TEX101: variants seen among roughly 807,000 people sequenced by gnomAD.
The protein encoded by TEX101 is testis expressed 101.
A neutral mutation model predicts 18.1 loss-of-function variants in TEX101; 10 were observed. The observed-to-expected ratio is 0.55, with a 90% CI of 0.34 to 0.94. TEX101 has a LOEUF of 0.94. TEX101 is among the 40% of genes least tolerant of loss of function. The probability of loss-of-function intolerance (pLI) is 0.02; values close to 1 mark genes in which losing one functional copy is unlikely to be tolerated. For synonymous variants in TEX101, 94 were observed against 114.8 expected, an observed-to-expected ratio of 0.82 and a Z score of 1.16; for missense variants, 259 against 298.9, an observed-to-expected ratio of 0.87 and a Z score of 0.98.
intron 1 of TEX101, among the ~76,000 whole-genome samples, chr19:43,402,302 A>C (rs1034720267): frequency 6.6e-6 from 1 of 152,260 alleles, no homozygotes; most frequent in African/African-American, 2.4e-5. Flanking sequence ...TCTCTGTGTG[A>C]TTGATTATTA....
chr19:43,392,655 G>C, the TEX101 span, among the ~76,000 whole-genome samples: 1 of 152,180 alleles, frequency 6.6e-6, no homozygotes, highest in Non-Finnish European at 1.5e-5. Flanking sequence ...GGGAGGCACA[G>C]AGAGACACAG....
chr19:43,409,576 C>A (rs1336100667), intron 3 of TEX101, among the ~76,000 whole-genome samples: 3 of 150,674 alleles, frequency 2.0e-5, no homozygotes, highest in African/African-American at 7.3e-5. Flanking sequence ...AAAGATATAC[C>A]ATGCAAACAG....
At chr19:43,390,464 T>C in the TEX101 span, among the ~76,000 whole-genome samples, 2 of 113,036 alleles carry the variant, frequency 1.8e-5, no homozygotes, top group Non-Finnish European at 3.6e-5. Context: ...TTTTTTCTTT[T>C]TTTTTTTTTT....
intron 5 of TEX101, 41 bp downstream of exon 5, chr19:43,418,047 A>C (rs998118539): frequency 1.9e-6 from 3 of 1,613,806 alleles, no homozygotes; most frequent in Non-Finnish European, 2.5e-6. Flanking sequence ...GAGGCTGGAA[A>C]ACCATTTGAG....
chr19:43,393,103 G>GGAAAGAAA, the TEX101 span, among the ~76,000 whole-genome samples: 1 of 144,400 alleles, frequency 6.9e-6, no homozygotes, highest in Non-Finnish European at 1.5e-5. Flanking sequence ...AAGGAAGGAA[G>GGAAAGAAA]GAAAGAAAGA....
chr19:43,413,944 G>T (rs967688011), upstream of TEX101, among the ~76,000 whole-genome samples: 1 of 151,554 alleles, frequency 6.6e-6, no homozygotes, highest in African/African-American at 2.4e-5. Flanking sequence ...GATAGAGAGA[G>T]GCTCTGTCTC....
chr19:43,399,874 G>A (rs11666620), upstream of TEX101, among the ~76,000 whole-genome samples: 48,607 of 149,494 alleles, frequency 0.33, 8,412 homozygotes, highest in East Asian at 0.72. Context: ...GGAGTGCAAT[G>A]GTATGATCTC....
chr19:43,406,325 C>T lies in TEX101; in HGVS notation c.-180C>T, dbSNP rs79190574. ...CCAATGCCCCATGTAATTAGTGACG[C>T]GCGCGAATGGATAGACGCTATTCCC... On this transcript the variant is annotated 5_prime_UTR_variant, in exon 3 of 8. Transcript: ENST00000602198. 825 of 565,940 alleles carry T rather than the reference C, an allele frequency of 1.5e-3. 6 individuals carry two copies. In the East Asian group the frequency reaches 0.019, roughly 13 times the overall value. The allele number at this position is 565,940 out of a possible 1,614,324, so 35.1% of individuals were successfully genotyped here.
At chr19:43,416,662 C>T (rs940778986) in intron 4 of TEX101, 107 bp downstream of exon 4, 1 of 1,032,468 alleles carries the variant, frequency 9.7e-7, no homozygotes, top group African/African-American at 1.6e-5. Flanking sequence ...GTCCATACCC[C>T]AAAGTACCTC....
At chr19:43,389,680 G>C in the TEX101 span, among the ~76,000 whole-genome samples, 14 of 152,146 alleles carry the variant, frequency 9.2e-5, no homozygotes, top group Admixed American at 5.9e-4. Context: ...CTGTTCCTGT[G>C]CTGGGTTCTC....
At chr19:43,406,934 T>G (rs1161233792) in intron 3 of TEX101, among the ~76,000 whole-genome samples, 4 of 108,326 alleles carry the variant, frequency 3.7e-5, no homozygotes, top group Non-Finnish European at 7.7e-5. Flanking sequence ...GTTTTTTGTT[T>G]TTTTTTTTTT....
At chr19:43,410,807 C>T (rs1340868901), upstream of TEX101, among the ~76,000 whole-genome samples, 2 of 151,438 alleles carry the variant, frequency 1.3e-5, no homozygotes, top group African/African-American at 2.4e-5. Context: ...CACACACAAA[C>T]ATGCATGCAC....
At chr19:43,408,324 A>C (rs1970388818) in intron 3 of TEX101, among the ~76,000 whole-genome samples, 1 of 149,478 alleles carries the variant, frequency 6.7e-6, no homozygotes, top group African/African-American at 2.5e-5. Flanking sequence ...GGGTTCGGGG[A>C]GCGAACAAGG....
the TEX101 span, among the ~76,000 whole-genome samples, chr19:43,390,979 T>C: frequency 6.6e-6 from 1 of 152,188 alleles, no homozygotes; most frequent in East Asian, 1.9e-4. Context: ...TAGGCACCTC[T>C]GTTAAGTGGA....
the TEX101 span, among the ~76,000 whole-genome samples, chr19:43,394,926 A>G: frequency 6.6e-6 from 1 of 152,214 alleles, no homozygotes; most frequent in Non-Finnish European, 1.5e-5. Context: ...TAGGTTCAGT[A>G]TCTGGGGTCT....
chr19:43,416,030 A>C (rs1334677216), intron 2 of TEX101, 47 bp downstream of exon 2: 3 of 1,611,348 alleles, frequency 1.9e-6, no homozygotes, highest in Non-Finnish European at 2.5e-6. Flanking sequence ...CAGAAGGTGG[A>C]CTGATGATGA....
chr19:43,408,969 T>G (rs1409063819), intron 3 of TEX101, among the ~76,000 whole-genome samples: 1 of 152,156 alleles, frequency 6.6e-6, no homozygotes, highest in Non-Finnish European at 1.5e-5. Flanking sequence ...TCATTCTACT[T>G]CCAACTCACA....
At chr19:43,398,725 A>T (rs147695073), upstream of TEX101, among the ~76,000 whole-genome samples, 119 of 152,320 alleles carry the variant, frequency 7.8e-4, no homozygotes, top group African/African-American at 2.7e-3. Context: ...AAAGTTGCAC[A>T]TCATCAAACT....
the TEX101 span, among the ~76,000 whole-genome samples, chr19:43,390,592 T>G: frequency 6.8e-6 from 1 of 147,380 alleles, no homozygotes; most frequent in Admixed American, 6.9e-5. Flanking sequence ...CTCAGCCTCC[T>G]GAGTAGCTGA....
Sources: allele counts gnomAD v4.1 joint callset (sites outside exome capture counted in the v4.1 genomes callset), GRCh38; gene constraint gnomAD v4.1.1; transcripts MANE v1.5; gene names NCBI Gene and HGNC (gene_info 2026-07-23, HGNC 2026-07-21).